UBE2K: variants seen among roughly 807,000 people sequenced by gnomAD.
The protein encoded by UBE2K is ubiquitin conjugating enzyme E2 K, also known as ubiquitin-conjugating enzyme E2 K.
In UBE2K, 6 loss-of-function variants were observed where a neutral mutation model predicts 30.0. The observed-to-expected ratio is 0.20, with a 90% CI of 0.11 to 0.39. UBE2K has a LOEUF of 0.39. Ranked by LOEUF, UBE2K falls within the 10% of genes least tolerant of loss-of-function variation. The pLI, the probability that UBE2K is intolerant of heterozygous loss-of-function variation, is 1.00. For missense variants in UBE2K, 61 were observed against 241.6 expected, an observed-to-expected ratio of 0.25 and a Z score of 4.96; for synonymous variants, 86 against 83.7, an observed-to-expected ratio of 1.03 and a Z score of -0.15.
At chr4:39,739,175 C>T (rs1434975942) in intron 2 of UBE2K, among the ~76,000 whole-genome samples, 1 of 151,598 alleles carries the variant, frequency 6.6e-6, no homozygotes, top group African/African-American at 2.4e-5. Flanking sequence ...CTACGGGCAC[C>T]CGCCACCATG....
chr4:39,772,397 CAAAAAAA>C (rs34937270), intron 4 of UBE2K, among the ~76,000 whole-genome samples: 1 of 127,216 alleles, frequency 7.9e-6, no homozygotes, highest in Non-Finnish European at 1.6e-5. Context: ...CTGTCTCTAC[CAAAAAAA>C]AAAAAAAAAA....
intron 5 of UBE2K, among the ~76,000 whole-genome samples, chr4:39,775,667 G>C (rs564253547): frequency 6.6e-5 from 10 of 152,134 alleles, no homozygotes; most frequent in Admixed American, 2.0e-4. Context: ...TGGGAGAATC[G>C]CTTGAACCTG....
At chr4:39,769,055 A>G (rs1712550404) in intron 4 of UBE2K, among the ~76,000 whole-genome samples, 1 of 151,966 alleles carries the variant, frequency 6.6e-6, no homozygotes, top group Non-Finnish European at 1.5e-5. Context: ...CGAGCTCCTG[A>G]CCTCAAGTTC....
At chr4:39,732,894 T>C (rs1266594226) in intron 1 of UBE2K, among the ~76,000 whole-genome samples, 1 of 151,960 alleles carries the variant, frequency 6.6e-6, no homozygotes, top group East Asian at 1.9e-4. Flanking sequence ...CAGGCTGGTC[T>C]CAAGTTTCTT....
chr4:39,751,997 A>G (rs35605027), intron 3 of UBE2K, among the ~76,000 whole-genome samples: 7,136 of 152,272 alleles, frequency 0.047, 267 homozygotes, highest in Non-Finnish European at 0.064. Context: ...ATTAAAACAA[A>G]AGGCAAAATA....
chr4:39,750,326 G>GA (rs1293420043), intron 3 of UBE2K, among the ~76,000 whole-genome samples: 2 of 152,206 alleles, frequency 1.3e-5, no homozygotes, highest in African/African-American at 4.8e-5. Context: ...ACTAAAGAGT[G>GA]AATGAAATTT....
At chr4:39,741,234 G>T (rs912974095) in intron 2 of UBE2K, among the ~76,000 whole-genome samples, 4 of 152,054 alleles carry the variant, frequency 2.6e-5, no homozygotes, top group African/African-American at 9.7e-5. Flanking sequence ...TCGCACCACT[G>T]CACTCCAGCC....
chr4:39,730,351 T>G (rs1028867103), intron 1 of UBE2K, among the ~76,000 whole-genome samples: 4 of 151,802 alleles, frequency 2.6e-5, no homozygotes, highest in Non-Finnish European at 5.9e-5. Flanking sequence ...GTTTTTTTTG[T>G]TTTTTTTCCA....
At chr4:39,736,966 G>A (rs569421423) in intron 1 of UBE2K, among the ~76,000 whole-genome samples, 1 of 152,274 alleles carries the variant, frequency 6.6e-6, no homozygotes, top group African/African-American at 2.4e-5. Flanking sequence ...GTTAGTTCAA[G>A]TGAGAGTTTA....
intron 4 of UBE2K, among the ~76,000 whole-genome samples, chr4:39,756,920 G>A (rs565040458): frequency 5.3e-5 from 8 of 151,822 alleles, no homozygotes; most frequent in Non-Finnish European, 8.8e-5. Context: ...GTGTTTAATG[G>A]GCCCAGCCTG....
At chr4:39,761,555 A>G (rs1181970136) in intron 4 of UBE2K, among the ~76,000 whole-genome samples, 1 of 152,220 alleles carries the variant, frequency 6.6e-6, no homozygotes, top group African/African-American at 2.4e-5. Flanking sequence ...TTTACCGGAC[A>G]TAGATTTATG....
At chr4:39,749,286 G>T (rs898100951) in intron 3 of UBE2K, among the ~76,000 whole-genome samples, 18 of 152,146 alleles carry the variant, frequency 1.2e-4, no homozygotes, top group Non-Finnish European at 2.2e-4. Context: ...CAACCAATAT[G>T]ATTTCTAGCA....
intron 1 of UBE2K, among the ~76,000 whole-genome samples, chr4:39,728,828 T>TTTG (rs1323409827): frequency 7.9e-6 from 1 of 125,946 alleles, no homozygotes; most frequent in Non-Finnish European, 1.7e-5. Context: ...GTTTTTTTTG[T>TTTG]TTTTTTTTTT....
chr4:39,780,647 A>T lies in UBE2K; in HGVS notation c.*2213A>T, dbSNP rs934550354. 9 of 152,124 alleles carry T rather than the reference A, an allele frequency of 5.9e-5. No homozygotes were observed. Among genetic ancestry groups the T allele is most frequent in the African/African-American group, 2.2e-4 (9 of 41,444 alleles). 9.4% of individuals were successfully genotyped at this position (152,124 alleles called of 1,614,324 possible). On this transcript the variant is annotated 3_prime_UTR_variant, in exon 7 of 7. Transcript: ENST00000261427. ...AGACATTCTTCATAAAAGATTCTTT[A>T]TTATAAAAATTTACCTCATTTACAT... is the stretch of plus-strand genomic sequence containing the variant.
chr4:39,698,191 C>T lies in UBE2K; in HGVS notation c.-137C>T, dbSNP rs1172865260. On this transcript the variant is annotated 5_prime_UTR_variant, in exon 1 of 7. Coordinates refer to ENST00000261427, the MANE Select transcript of UBE2K (RefSeq NM_005339.5). ...TCCACACTGAGGCGAGCGCGGCGGC[C>T]GGGGTGGTAGTGGCAGTGTTCGTGT... 1.2e-6 allele frequency: 1 copy of T among 849,560 alleles called. No individual in the cohort carries two copies. Among genetic ancestry groups the T allele is most frequent in the Non-Finnish European group, 1.9e-6 (1 of 512,826 alleles). The allele number at this position is 849,560 out of a possible 1,614,324, so 52.6% of individuals were successfully genotyped here.
intron 4 of UBE2K, among the ~76,000 whole-genome samples, chr4:39,761,863 T>G (rs1711968270): frequency 6.7e-6 from 1 of 149,710 alleles, no homozygotes; most frequent in Non-Finnish European, 1.5e-5. Flanking sequence ...TAGTATTCAT[T>G]TTTTTTTTTT....
intron 1 of UBE2K, among the ~76,000 whole-genome samples, chr4:39,713,286 A>ATTTTTTTTTTTTTTTTTTTTTTTTTTTT (rs56104487): frequency 3.6e-5 from 3 of 83,582 alleles, no homozygotes; most frequent in Non-Finnish European, 6.3e-5. Flanking sequence ...TCTGTAGGAA[A>ATTTTTTTTTTTTTTTTTTTTTTTTTTTT]TTTTTTTTTT....
At chr4:39,716,815 C>T (rs571205106) in intron 1 of UBE2K, among the ~76,000 whole-genome samples, 5 of 152,060 alleles carry the variant, frequency 3.3e-5, no homozygotes, top group East Asian at 3.9e-4. Flanking sequence ...CTGGGCAACA[C>T]GGTGAAACCC....
At chr4:39,746,071 A>G (rs1380517946) in intron 3 of UBE2K, among the ~76,000 whole-genome samples, 1 of 152,030 alleles carries the variant, frequency 6.6e-6, no homozygotes, top group Non-Finnish European at 1.5e-5. Flanking sequence ...CATATACTAG[A>G]TCTAGAAATA....
Sources: allele counts gnomAD v4.1 joint callset (sites outside exome capture counted in the v4.1 genomes callset), GRCh38; gene constraint gnomAD v4.1.1; transcripts MANE v1.5; gene names NCBI Gene and HGNC (gene_info 2026-07-23, HGNC 2026-07-21).